FRMD4A: variants seen among roughly 807,000 people sequenced by gnomAD.
The protein encoded by FRMD4A is FERM domain containing 4A, also known as FERM domain-containing protein 4A.
A neutral mutation model predicts 129.1 loss-of-function variants in FRMD4A; 29 were observed. The observed-to-expected ratio is 0.22, with a 90% confidence interval of 0.17 to 0.31. The LOEUF is 0.31. Among genes scored for constraint, FRMD4A ranks in the 10% least tolerant of loss-of-function variants. FRMD4A has a pLI of 1.00. For synonymous variants in FRMD4A, 634 were observed against 571.6 expected, an observed-to-expected ratio of 1.11 and a Z score of -1.56; for missense variants, 1,272 against 1,375.8, an observed-to-expected ratio of 0.92 and a Z score of 1.19.
intron 9 of FRMD4A, among the ~76,000 whole-genome samples, chr10:13,747,410 G>A (rs1335786403): frequency 6.6e-6 from 1 of 151,526 alleles, no homozygotes. Context: ...GGTGGTGCGT[G>A]CCTGTAATCC....
chr10:13,753,147 A>T (rs11258580), intron 8 of FRMD4A, among the ~76,000 whole-genome samples: 2,675 of 152,322 alleles, frequency 0.018, 89 homozygotes, highest in African/African-American at 0.061. Flanking sequence ...TTCTTTGCTG[A>T]TCTTTAAGAA....
intron 2 of FRMD4A, among the ~76,000 whole-genome samples, chr10:14,091,851 T>C (rs1836679599): frequency 6.6e-6 from 1 of 152,232 alleles, no homozygotes; most frequent in South Asian, 2.1e-4. Context: ...TTATTAAATG[T>C]ATCTTTAAGT....
At chr10:13,694,195 A>G (rs1214272869) in intron 14 of FRMD4A, among the ~76,000 whole-genome samples, 156 bp from the exon 15 acceptor site, 1 of 152,182 alleles carries the variant, frequency 6.6e-6, no homozygotes, top group Non-Finnish European at 1.5e-5. Flanking sequence ...CCTTGGCCTC[A>G]TCATTAATCA....
intron 3 of FRMD4A, among the ~76,000 whole-genome samples, chr10:13,856,018 CTAT>C (rs1564919451): frequency 1.9e-3 from 45 of 23,164 alleles, no homozygotes; most frequent in African/African-American, 4.9e-3. Flanking sequence ...CAAATACTAT[CTAT>C]CTATCTATCT....
At chr10:13,747,213 T>C (rs1363085818) in intron 9 of FRMD4A, among the ~76,000 whole-genome samples, 3 of 150,994 alleles carry the variant, frequency 2.0e-5, no homozygotes, top group African/African-American at 7.3e-5. Flanking sequence ...AGGAGAGGTC[T>C]CAGGCACAGT....
At chr10:13,876,735 A>C (rs1453699305) in intron 2 of FRMD4A, among the ~76,000 whole-genome samples, 5 of 152,120 alleles carry the variant, frequency 3.3e-5, no homozygotes. Flanking sequence ...ATTGATACTA[A>C]AACAATAATA....
chr10:14,001,603 T>C (rs1192290475), intron 2 of FRMD4A, among the ~76,000 whole-genome samples: 2 of 152,206 alleles, frequency 1.3e-5, no homozygotes, highest in Non-Finnish European at 2.9e-5. Context: ...CATAAGCTGC[T>C]ATACAAAACA....
intron 2 of FRMD4A, among the ~76,000 whole-genome samples, chr10:14,313,581 A>T (rs1236281866): frequency 6.6e-6 from 1 of 152,084 alleles, no homozygotes; most frequent in East Asian, 1.9e-4. Context: ...TTTCTTTTTG[A>T]TCATTAGATT....
At chr10:13,853,175 G>A (rs368912287) in intron 3 of FRMD4A, among the ~76,000 whole-genome samples, 1 of 152,168 alleles carries the variant, frequency 6.6e-6, no homozygotes, top group East Asian at 1.9e-4. Context: ...AAAGCAAGGT[G>A]CGAGGTTCAC....
intron 3 of FRMD4A, among the ~76,000 whole-genome samples, chr10:13,842,273 C>T (rs1049131466): frequency 5.9e-5 from 9 of 152,168 alleles, no homozygotes; most frequent in Non-Finnish European, 7.3e-5. Context: ...AGTCCATACA[C>T]GTGGGTTTGC....
At chr10:14,242,253 A>G (rs907446246) in intron 2 of FRMD4A, among the ~76,000 whole-genome samples, 7 of 152,220 alleles carry the variant, frequency 4.6e-5, no homozygotes, top group Admixed American at 4.6e-4. Context: ...AAGAACGTCC[A>G]AAGATGAGGG....
At chr10:14,059,030 T>C (rs1290173848) in intron 2 of FRMD4A, among the ~76,000 whole-genome samples, 1 of 151,714 alleles carries the variant, frequency 6.6e-6, no homozygotes, top group Non-Finnish European at 1.5e-5. Context: ...CAAAAAAAAA[T>C]GCAAAGCATA....
intron 2 of FRMD4A, among the ~76,000 whole-genome samples, chr10:14,079,901 C>T (rs764638496): frequency 1.1e-4 from 17 of 152,190 alleles, no homozygotes; most frequent in Non-Finnish European, 2.1e-4. Flanking sequence ...TGTGGAGTTT[C>T]TATCCACTTG....
chr10:13,856,035 T>G (rs2094207949), intron 3 of FRMD4A, among the ~76,000 whole-genome samples: 1 of 151,688 alleles, frequency 6.6e-6, no homozygotes, highest in African/African-American at 2.4e-5. Context: ...TCTATCTATC[T>G]ATCTATCTAT....
At chr10:14,210,960 C>A (rs1842918948) in intron 2 of FRMD4A, among the ~76,000 whole-genome samples, 1 of 152,120 alleles carries the variant, frequency 6.6e-6, no homozygotes, top group South Asian at 2.1e-4. Context: ...AAATCCTGAC[C>A]TTCTGATCTG....
intron 2 of FRMD4A, among the ~76,000 whole-genome samples, chr10:14,223,471 G>T (rs547490039): frequency 1.3e-5 from 2 of 152,150 alleles, no homozygotes; most frequent in East Asian, 3.9e-4. Context: ...GCTGGGTATG[G>T]TGACTCATAC....
intron 2 of FRMD4A, among the ~76,000 whole-genome samples, chr10:14,179,515 C>T (rs1190794147): frequency 2.6e-5 from 4 of 152,140 alleles, no homozygotes; most frequent in Non-Finnish European, 5.9e-5. Flanking sequence ...TCCTCAGCCA[C>T]ACATATTTGC....
intron 2 of FRMD4A, among the ~76,000 whole-genome samples, chr10:14,225,665 C>A (rs1238122159): frequency 6.6e-6 from 1 of 152,190 alleles, no homozygotes; most frequent in Non-Finnish European, 1.5e-5. Context: ...GATCTCATTA[C>A]AAATTCACAC....
intron 15 of FRMD4A, among the ~76,000 whole-genome samples, chr10:13,680,734 A>C (rs913063503): frequency 6.6e-6 from 1 of 151,782 alleles, no homozygotes; most frequent in Non-Finnish European, 1.5e-5. Flanking sequence ...TAAAAAAAAA[A>C]ATTTAAAAAA....
Sources: allele counts gnomAD v4.1 joint callset (sites outside exome capture counted in the v4.1 genomes callset), GRCh38; gene constraint gnomAD v4.1.1; transcripts MANE v1.5; gene names NCBI Gene and HGNC (gene_info 2026-07-23, HGNC 2026-07-21).